The following CABYR variants were observed in gnomAD, a reference collection of about 807,000 sequenced individuals.
CABYR encodes the protein calcium binding tyrosine phosphorylation regulated, also known as calcium-binding tyrosine phosphorylation-regulated protein.
CABYR carries 31 observed loss-of-function variants against 36.1 expected under a neutral mutation model. The ratio of observed to expected loss-of-function variants is 0.86; its 90% CI spans 0.64 to 1.16. CABYR has a LOEUF of 1.16. Among genes scored for constraint, CABYR ranks in the 50% most tolerant of loss-of-function variants. The pLI, the probability that CABYR is intolerant of heterozygous loss-of-function variation, is 0.00. For missense variants in CABYR, 429 were observed against 455.8 expected (o/e 0.94, Z 0.53); for synonymous variants, 146 against 160.7 (o/e 0.91, Z 0.69).
Position 24,155,860 on chromosome 18 carries a change from C to T in CABYR, c.359C>T (p.Thr120Ile). The change falls in exon 4 of 6, where the codon ACC becomes ATC. Residue 120 changes from threonine to isoleucine, a missense_variant. Transcript: ENST00000399496. Reference protein sequence around the residue: ...VTRTEYSDKTTQFPSVYAVPG... With the variant: ...VTRTEYSDKTIQFPSVYAVPG... ...AGAACAGAATATAGTGACAAAACCA[C>T]CCAGTTTCCATCAGTTTATGCTGTG... 1 of 1,614,162 alleles carries T rather than the reference C, an allele frequency of 6.2e-7. No individual in the cohort carries two copies.
At chr18:24,159,369 C>G (rs1381344438) in intron 4 of CABYR, 103 bp from the exon 5 acceptor site, 13 of 780,616 alleles carry the variant, frequency 1.7e-5, no homozygotes, top group Non-Finnish European at 2.6e-5. Flanking sequence ...GTACATATCA[C>G]TACAGCTGTT....
At position 24,143,024 on chromosome 18, in the gene CABYR, A is replaced by C. The variant is rs1246183438; in HGVS notation, c.-24-67A>C. ...CTCCAGCCTGGGTGACAGAGTCTCA[A>C]AAAAAAAAAAAAAAAAAACCTATTT... is the stretch of plus-strand genomic sequence containing the variant. On this transcript the variant is annotated intron_variant, in intron 1 of 5. Transcript: ENST00000399496. The C allele has an allele frequency of 3.7e-5, 17 of 458,114 alleles. No homozygotes were observed. In the East Asian group the frequency reaches 1.3e-3, roughly 36 times the overall value. 28.4% of individuals were successfully genotyped at this position (458,114 alleles called of 1,614,324 possible). A position where few individuals can be genotyped will look rare whatever the true frequency, so the allele number is the denominator to read the frequency against.
chr18:24,161,391 G>GTAAC (rs1481418733), intron 5 of CABYR, 125 bp from the exon 6 acceptor site: 1 of 624,356 alleles, frequency 1.6e-6, no homozygotes, highest in African/African-American at 1.8e-5. Context: ...AAGCCCATAG[G>GTAAC]TAACTAGTTA....
intron 5 of CABYR, chr18:24,160,792 A>G (rs2085949742): frequency 6.6e-6 from 1 of 152,420 alleles, no homozygotes; most frequent in African/African-American, 2.4e-5. Context: ...AATTGTCACT[A>G]TTAGGTAGGG....
chr18:24,156,520 C>T lies in CABYR; in HGVS notation c.541+478C>T, dbSNP rs1325455122. 3.1e-6 allele frequency: 5 copies of T among 1,613,982 alleles called. 1 individual carries two copies. The highest frequency in any genetic ancestry group is 2.2e-5 in the South Asian group (2 of 91,088). ...CAGTCAAAAGAAAATGAGCAGTCACCACGAGTTAGTCCCAAATCTGTAGTA... is the reference window on the plus strand; with the variant it reads ...CAGTCAAAAGAAAATGAGCAGTCACTACGAGTTAGTCCCAAATCTGTAGTA... On this transcript the variant is annotated intron_variant, in intron 4 of 5. Coordinates refer to ENST00000399496, the MANE Select transcript of CABYR (RefSeq NM_153769.3).
At chr18:24,150,389 T>C (rs2085588716) in intron 3 of CABYR, 1 of 160,170 alleles carries the variant, frequency 6.2e-6, no homozygotes, top group African/African-American at 2.4e-5. Context: ...GTTTTCCTTA[T>C]TTCTAAAGCT....
At chr18:24,140,954 C>T (rs745604177) in intron 1 of CABYR, among the ~76,000 whole-genome samples, 15 of 152,056 alleles carry the variant, frequency 9.9e-5, no homozygotes, top group Non-Finnish European at 1.6e-4. Flanking sequence ...TGTTGATAGA[C>T]GCTTAGGTTG....
intron 3 of CABYR, among the ~76,000 whole-genome samples, chr18:24,148,892 A>G (rs2085527908): frequency 6.6e-6 from 1 of 152,122 alleles, no homozygotes; most frequent in African/African-American, 2.4e-5. Context: ...AATTTATTGC[A>G]AAGAGGAAAA....
At chr18:24,140,661 A>C (rs186737481) in intron 1 of CABYR, among the ~76,000 whole-genome samples, 41 of 152,190 alleles carry the variant, frequency 2.7e-4, no homozygotes, top group African/African-American at 9.6e-4. Flanking sequence ...TTTTATACCC[A>C]TTAACCAGCC....
At chr18:24,140,326 A>G (rs556130776) in intron 1 of CABYR, 1 of 152,344 alleles carries the variant, frequency 6.6e-6, no homozygotes, top group African/African-American at 2.4e-5. Flanking sequence ...ATATATATGT[A>G]TCAAATAGTA....
chr18:24,159,636 C>A lies in CABYR; in HGVS notation c.706C>A (p.Gln236Lys), dbSNP rs780091974. ...ACCTAATCCTAAGGATCCACAGTTT[C>A]AGCAGCATCCACCAAAAGTCACTTT... Reference protein sequence around the residue: ...YLPNPKDPQFQQHPPKVTFPT... With the variant: ...YLPNPKDPQFKQHPPKVTFPT... Residue 236 changes from glutamine to lysine, a missense_variant, in exon 5 of 6, where the codon CAG becomes AAG. Coordinates refer to ENST00000399496, the MANE Select transcript of CABYR (RefSeq NM_153769.3). 5 of 1,614,114 alleles carry A rather than the reference C, an allele frequency of 3.1e-6. No individual in the cohort carries two copies. In the South Asian group the frequency reaches 5.5e-5, roughly 18 times the overall value.
rs2085318534 is a variant in CABYR, at chr18:24,141,437, TG to T, written c.-24-1651del. On this transcript the variant is annotated intron_variant, in intron 1 of 5. Transcript: ENST00000399496. ...AAGGACTTGGGGGAGAAATTTCTCC[TG>T]GGTTTCAGTATCCAGAATAGCTGTG... 5.9e-5 allele frequency among the ~76,000 whole-genome samples: 9 copies of T among 152,340 alleles called. No homozygotes were observed. The South Asian group carries it at 1.9e-3, about 32-fold the overall frequency.
chr18:24,142,644 GTTT>G (rs11403423), intron 1 of CABYR, among the ~76,000 whole-genome samples: 1 of 144,964 alleles, frequency 6.9e-6, no homozygotes, highest in Admixed American at 6.8e-5. Context: ...AGGGTTGTGT[GTTT>G]TTTTTTTTTA....
intron 1 of CABYR, among the ~76,000 whole-genome samples, chr18:24,142,636 G>T (rs1458212660): frequency 8.0e-6 from 1 of 125,362 alleles, no homozygotes; most frequent in African/African-American, 2.6e-5. Flanking sequence ...TTGTTAGTAG[G>T]GTTGTGTGTT....
intron 3 of CABYR, chr18:24,150,460 C>A (rs1360959414): frequency 6.1e-6 from 2 of 329,660 alleles, no homozygotes; most frequent in African/African-American, 2.2e-5. Context: ...GTGCTGACTA[C>A]ATTGTCATAT....
intron 4 of CABYR, among the ~76,000 whole-genome samples, chr18:24,157,615 C>T (rs963120067): frequency 2.0e-5 from 3 of 149,320 alleles, no homozygotes; most frequent in African/African-American, 7.7e-5. Context: ...GCAGAAAGGA[C>T]GGCCCGGCAC....
rs774373241 is a variant in CABYR, at chr18:24,156,718, A to G, written c.541+676A>G. 29 of 1,614,082 alleles carry G rather than the reference A, an allele frequency of 1.8e-5. No individual in the cohort carries two copies. The highest frequency in any genetic ancestry group is 2.4e-5 in the Non-Finnish European group (28 of 1,180,042). On this transcript the variant is annotated intron_variant, in intron 4 of 5. Transcript: ENST00000399496. ...GTACCTGCACAACTCCTGGATGCAG[A>G]AGGTGCTATCAAAATAGGCTCTGAA...
At chr18:24,150,069 A>G (rs1285939707) in intron 3 of CABYR, among the ~76,000 whole-genome samples, 4 of 152,268 alleles carry the variant, frequency 2.6e-5, no homozygotes, top group African/African-American at 7.2e-5. Flanking sequence ...GGAGGCGCCA[A>G]GAGCGAGCAA....
At chr18:24,155,559 C>A (rs987389179) in intron 3 of CABYR, 142 bp from the exon 4 acceptor site, 13 of 627,528 alleles carry the variant, frequency 2.1e-5, no homozygotes, top group African/African-American at 1.7e-4. Flanking sequence ...TGGGCTCAAG[C>A]GATCCTCCTG....
Sources: gnomAD v4.1 joint callset for allele counts (sites outside exome capture counted in the v4.1 genomes callset) on GRCh38, gnomAD v4.1.1 for gene constraint, MANE v1.5 for transcripts, NCBI Gene and HGNC (gene_info 2026-07-23, HGNC 2026-07-21) for gene names.